The following LRRC39 variants were observed in gnomAD, a reference collection of about 807,000 sequenced individuals.
The protein encoded by LRRC39 is leucine-rich repeat-containing protein 39.
A neutral mutation model predicts 39.7 loss-of-function variants in LRRC39; 35 were observed. The ratio of observed to expected loss-of-function variants is 0.88; its 90% CI spans 0.67 to 1.17. The LOEUF is 1.17. Ranked by LOEUF, LRRC39 falls within the 50% of genes most tolerant of loss-of-function variation. LRRC39 has a pLI of 0.00. For synonymous variants in LRRC39, 113 were observed against 134.1 expected, an observed-to-expected ratio of 0.84 and a Z score of 1.09; for missense variants, 357 against 385.8, an observed-to-expected ratio of 0.93 and a Z score of 0.62.
upstream of LRRC39, among the ~76,000 whole-genome samples, chr1:100,179,378 T>G (rs1660145699): frequency 6.7e-6 from 1 of 150,040 alleles, no homozygotes; most frequent in Admixed American, 6.8e-5. Flanking sequence ...CATGTGTTCA[T>G]AAGTAAAAAT....
intron 8 of LRRC39, among the ~76,000 whole-genome samples, 164 bp from the exon 9 acceptor site, chr1:100,152,688 T>C (rs1658142346): frequency 6.6e-6 from 1 of 152,188 alleles, no homozygotes; most frequent in Admixed American, 6.5e-5. Context: ...ATCTTATGTT[T>C]TTTTCCTAAG....
Position 100,155,080 on chromosome 1 carries a change from TG to T in LRRC39, c.782del (p.Pro261GlnfsTer10), listed in dbSNP as rs1363271699. ...GATTTGCCATTTCTTCCATGCATAC[TG>T]GAATATCTTGCAGTTTATTGTTGCT... is the stretch of plus-strand genomic sequence containing the variant. ...VLSNNKLQDI[P>X]VCMEEMANLR... On this transcript the variant is annotated frameshift_variant, in exon 8 of 10. Coordinates refer to ENST00000370137, the MANE Select transcript of LRRC39 (RefSeq NM_144620.4). LOFTEE classifies it high-confidence loss of function. 1 of 1,597,480 alleles carries T rather than the reference TG, an allele frequency of 6.3e-7. No homozygotes were observed. Among genetic ancestry groups the T allele is most frequent in the African/African-American group, 1.4e-5 (1 of 73,778 alleles).
chr1:100,156,326 G>T lies in LRRC39; in HGVS notation c.514-9C>A, dbSNP rs1658445468. 2.5e-6 allele frequency: 4 copies of T among 1,589,738 alleles called. No individual in the cohort carries two copies. The highest frequency in any genetic ancestry group is 3.4e-6 in the Non-Finnish European group (4 of 1,164,484). ...TTTAGCAGATTGCTGAGCTGAAGAAGAAAGCAAGGTTTTTCAAAATAAATG... is the reference window on the plus strand; with the variant it reads ...TTTAGCAGATTGCTGAGCTGAAGAATAAAGCAAGGTTTTTCAAAATAAATG... On this transcript the variant is annotated splice_polypyrimidine_tract_variant and intron_variant, in intron 6 of 9. Transcript: ENST00000370137.
chr1:100,160,578 A>C lies in LRRC39; in HGVS notation c.114-7T>G, dbSNP rs1184282104. The C allele has an allele frequency of 6.3e-7, 1 of 1,597,974 alleles. No individual in the cohort carries two copies. Among genetic ancestry groups the C allele is most frequent in the South Asian group, 1.1e-5 (1 of 88,616 alleles). On this transcript the variant is annotated splice_polypyrimidine_tract_variant and splice_region_variant and intron_variant, in intron 3 of 9. Coordinates refer to ENST00000370137, the MANE Select transcript of LRRC39 (RefSeq NM_144620.4). ...TTCCCAGATCCGCACTAGCCTAGGA[A>C]ACCAGGAAATCATTTTAGTTCATAG...
intron 3 of LRRC39, among the ~76,000 whole-genome samples, chr1:100,160,889 G>T (rs2101778826): frequency 6.6e-6 from 1 of 152,108 alleles, no homozygotes; most frequent in African/African-American, 2.4e-5. Flanking sequence ...CTCCCAAAGT[G>T]TTGGGATTAC....
At chr1:100,177,513 CTT>C (rs760399945) in intron 1 of LRRC39, among the ~76,000 whole-genome samples, 3 of 152,192 alleles carry the variant, frequency 2.0e-5, no homozygotes, top group Admixed American at 6.5e-5. Flanking sequence ...TGCGAGATCT[CTT>C]TGCTGTGAAG....
intron 1 of LRRC39, among the ~76,000 whole-genome samples, chr1:100,175,370 T>C (rs949115702): frequency 8.3e-5 from 12 of 144,690 alleles, no homozygotes; most frequent in African/African-American, 1.8e-4. Context: ...TTTTTTTTGG[T>C]AGTGACAGGA....
At chr1:100,153,661 A>AC (rs1658229288) in intron 8 of LRRC39, among the ~76,000 whole-genome samples, 2 of 152,192 alleles carry the variant, frequency 1.3e-5, no homozygotes, top group Admixed American at 1.3e-4. Context: ...CATACAAGCA[A>AC]CCTAAAATAA....
chr1:100,165,873 C>CTT (rs370682819), intron 3 of LRRC39, among the ~76,000 whole-genome samples: 8,080 of 126,606 alleles, frequency 0.064, 413 homozygotes, highest in African/African-American at 0.11. Flanking sequence ...TTTCCCCTTT[C>CTT]TTTTTTTTTT....
chr1:100,164,571 G>C (rs989000159), intron 3 of LRRC39, among the ~76,000 whole-genome samples: 1 of 152,036 alleles, frequency 6.6e-6, no homozygotes, highest in Non-Finnish European at 1.5e-5. Flanking sequence ...GGTTACCTTT[G>C]GTTGGTTTTA....
At chr1:100,150,528 A>G (rs893941376) in intron 9 of LRRC39, 8 of 152,192 alleles carry the variant, frequency 5.3e-5, no homozygotes, top group African/African-American at 1.4e-4. Context: ...TAAAATATAC[A>G]TACACACCCA....
Position 100,160,485 on chromosome 1 carries a change from A to G in LRRC39, c.200T>C (p.Ile67Thr), listed in dbSNP as rs752977918. Residue 67 changes from isoleucine (I) to threonine (T), a missense_variant, in exon 4 of 10, where the codon ATA (isoleucine) becomes ACA (threonine). By Grantham distance (89) the Ile-to-Thr change is moderately conservative (BLOSUM62 -1). Transcript: ENST00000370137. ...GCTTACCTTCCATTCCTCTTTTTCTATCTTCAAAATGACTCTTCCATCTTC... is the reference window on the plus strand; with the variant it reads ...GCTTACCTTCCATTCCTCTTTTTCTGTCTTCAAAATGACTCTTCCATCTTC... ...TREDGRVILK[I>T]EKEEWKTLPS... The G allele has an allele frequency of 4.3e-5, 70 of 1,612,850 alleles. No homozygotes were observed. The African/African-American group carries it at 6.7e-4, about 15-fold the overall frequency.
chr1:100,174,627 A>G (rs1191370622), intron 1 of LRRC39, among the ~76,000 whole-genome samples: 2 of 152,162 alleles, frequency 1.3e-5, no homozygotes, highest in African/African-American at 4.8e-5. Flanking sequence ...GAGAAATTAT[A>G]TTGGGACAGT....
At chr1:100,160,688 G>T in intron 3 of LRRC39, 117 bp from the exon 4 acceptor site, 1 of 665,570 alleles carries the variant, frequency 1.5e-6, no homozygotes, top group South Asian at 2.6e-5. Flanking sequence ...GCAGTGGCCC[G>T]ATCTCGGCCC....
At chr1:100,149,165 T>C in intron 9 of LRRC39, 68 bp from the exon 10 acceptor site, 1 of 1,556,454 alleles carries the variant, frequency 6.4e-7, no homozygotes, top group Non-Finnish European at 8.6e-7. Flanking sequence ...TGGAAATTTA[T>C]CTTCCTTTGA....
At chr1:100,159,540 G>A (rs1055401801) in intron 4 of LRRC39, 125 bp from the exon 5 acceptor site, 2 of 681,108 alleles carry the variant, frequency 2.9e-6, no homozygotes, top group Non-Finnish European at 4.3e-6. Flanking sequence ...TTCCTTAGTG[G>A]GTTACTTTTC....
Position 100,158,924 on chromosome 1 carries a change from A to AT in LRRC39, c.376+334dup, listed in dbSNP as rs201359976. 8.4e-3 allele frequency among the ~76,000 whole-genome samples: 1,262 copies of AT among 150,124 alleles called. 10 individuals carry two copies. The highest frequency in any genetic ancestry group is 0.013 in the Non-Finnish European group (901 of 67,518). Reference sequence around the variant, plus strand: ...AAATCCTCAGCAATTTTCTATTTGGATTTTTTTTTCCCATTTGAAGAATCT... The same window carrying AT: ...AAATCCTCAGCAATTTTCTATTTGGATTTTTTTTTTCCCATTTGAAGAATCT... On this transcript the variant is annotated intron_variant, in intron 5 of 9. Transcript: ENST00000370137.
Position 100,159,251 on chromosome 1 carries a change from T to C in LRRC39, c.376+8A>G. ...AAATAGCACAGGAATAAAAGTAATC[T>C]TTCTTACCAATCCCTGGTGGTATCT... On this transcript the variant is annotated splice_region_variant and intron_variant, in intron 5 of 9. Transcript: ENST00000370137. 1 of 1,582,958 alleles carries C rather than the reference T, an allele frequency of 6.3e-7. No individual in the cohort carries two copies. The highest frequency in any genetic ancestry group is 2.3e-5 in the East Asian group (1 of 43,842).
Position 100,152,475 on chromosome 1 carries a change from G to C in LRRC39, c.862C>G (p.Pro288Ala). Residue 288 changes from proline (P) to alanine (A), a missense_variant, in exon 9 of 10, where the codon CCC (proline) becomes GCC (alanine). Coordinates refer to ENST00000370137, the MANE Select transcript of LRRC39 (RefSeq NM_144620.4). ...TCTTCTTCATCTGTGCCTTCACTGG[G>C]AGGAAGTGATACTTTCAATTTCAGT... The part of the protein sequence containing the change: ...NPLKLKVSLP[P>A]SEGTDEEEER... 1 of 1,614,056 alleles carries C rather than the reference G, an allele frequency of 6.2e-7. No individual in the cohort carries two copies. The highest frequency in any genetic ancestry group is 8.5e-7 in the Non-Finnish European group (1 of 1,179,986).
Sources: allele counts gnomAD v4.1 joint callset (sites outside exome capture counted in the v4.1 genomes callset), GRCh38; gene constraint gnomAD v4.1.1; transcripts MANE v1.5; gene names NCBI Gene and HGNC (gene_info 2026-07-23, HGNC 2026-07-21).